LAMC1: variants seen among roughly 807,000 people sequenced by gnomAD.
LAMC1 encodes the protein laminin subunit gamma 1, also known as laminin subunit gamma-1.
A neutral mutation model predicts 173.6 loss-of-function variants in LAMC1; 38 were observed. The observed-to-expected ratio is 0.22, with a 90% CI of 0.17 to 0.29. The LOEUF is 0.29. Ranked by LOEUF, LAMC1 falls within the 10% of genes least tolerant of loss-of-function variation. The pLI, the probability that LAMC1 is intolerant of heterozygous loss-of-function variation, is 1.00. For synonymous variants in LAMC1, 746 were observed against 749.1 expected (o/e 1.00, Z 0.07); for missense variants, 1,824 against 2,051.8 (o/e 0.89, Z 2.14).
At chr1:183,054,795 C>CA (rs963105487) in intron 1 of LAMC1, among the ~76,000 whole-genome samples, 1 of 152,222 alleles carries the variant, frequency 6.6e-6, no homozygotes, top group African/African-American at 2.4e-5. Flanking sequence ...ATTGATTATT[C>CA]ATAGACTTCT....
intron 1 of LAMC1, among the ~76,000 whole-genome samples, chr1:183,077,795 T>TATATATATATATATATAC (rs1458377650): frequency 4.1e-5 from 6 of 147,230 alleles, no homozygotes; most frequent in Admixed American, 2.0e-4. Context: ...TATATATATA[T>TATATATATATATATATAC]ACAGTAGCAC....
At chr1:183,109,755 G>C (rs1656090671) in intron 3 of LAMC1, among the ~76,000 whole-genome samples, 1 of 152,094 alleles carries the variant, frequency 6.6e-6, no homozygotes, top group Non-Finnish European at 1.5e-5. Flanking sequence ...GCAAGTGAGG[G>C]GAACATTACG....
intron 1 of LAMC1, among the ~76,000 whole-genome samples, chr1:183,063,599 C>G (rs925089352): frequency 6.6e-6 from 1 of 152,134 alleles, no homozygotes; most frequent in Non-Finnish European, 1.5e-5. Flanking sequence ...TGCTATTCTC[C>G]TGCTCTCTCC....
At chr1:183,099,643 G>T (rs984846588) in intron 1 of LAMC1, among the ~76,000 whole-genome samples, 2 of 152,020 alleles carry the variant, frequency 1.3e-5, no homozygotes, top group Admixed American at 1.3e-4. Flanking sequence ...CTCTGTGTGT[G>T]CTGTGAATGT....
At chr1:183,029,456 T>C (rs1284733721) in intron 1 of LAMC1, among the ~76,000 whole-genome samples, 2 of 152,244 alleles carry the variant, frequency 1.3e-5, no homozygotes, top group African/African-American at 4.8e-5. Flanking sequence ...CATACAATTT[T>C]GCAGCTAAAA....
In LAMC1 at chr1:183,081,736, TATAATC is replaced by T. The variant is rs1655282779; in HGVS notation, c.419-21590_419-21585del. On this transcript the variant is annotated intron_variant, in intron 1 of 27. Coordinates refer to ENST00000258341, the MANE Select transcript of LAMC1 (RefSeq NM_002293.4). ...TTTCCTATCAGAATGGCATAGTTGTTATAATCAATAAAACATTAACATGTCATAATC... is the reference window on the plus strand; with the variant it reads ...TTTCCTATCAGAATGGCATAGTTGTTAATAAAACATTAACATGTCATAATC... Among the ~76,000 whole-genome samples, 3 of 152,124 alleles carry T rather than the reference TATAATC, an allele frequency of 2.0e-5. No homozygotes were observed. The South Asian group carries it at 6.2e-4, about 32-fold the overall frequency.
chr1:183,124,392 C>T (rs190879980), intron 13 of LAMC1, among the ~76,000 whole-genome samples: 3 of 152,318 alleles, frequency 2.0e-5, no homozygotes, highest in Admixed American at 2.0e-4. Flanking sequence ...ATTGTCACAA[C>T]AATTAAAGTG....
At chr1:183,066,049 CAT>C (rs1480509673) in intron 1 of LAMC1, among the ~76,000 whole-genome samples, 1 of 152,158 alleles carries the variant, frequency 6.6e-6, no homozygotes, top group Non-Finnish European at 1.5e-5. Flanking sequence ...GCATTATTGT[CAT>C]AGTGATTATC....
intron 1 of LAMC1, among the ~76,000 whole-genome samples, chr1:183,052,216 C>T: frequency 6.6e-6 from 1 of 152,116 alleles, no homozygotes; most frequent in East Asian, 1.9e-4. Flanking sequence ...ATCCCTTTTT[C>T]TTTCTGTTCT....
chr1:183,134,087 T>C (rs191845734), intron 22 of LAMC1, among the ~76,000 whole-genome samples: 15 of 152,306 alleles, frequency 9.8e-5, no homozygotes, highest in Admixed American at 4.6e-4. Flanking sequence ...TATTTTGGAA[T>C]TGGTAGGATT....
intron 1 of LAMC1, among the ~76,000 whole-genome samples, chr1:183,042,599 G>T (rs1654164799): frequency 6.6e-6 from 1 of 152,182 alleles, no homozygotes; most frequent in South Asian, 2.1e-4. Context: ...AGTCTTCAGA[G>T]GTTCCCATTC....
chr1:183,053,114 G>A (rs1654479022), intron 1 of LAMC1, among the ~76,000 whole-genome samples: 1 of 152,130 alleles, frequency 6.6e-6, no homozygotes, highest in South Asian at 2.1e-4. Flanking sequence ...GAATTTATGG[G>A]ACAAAAATGC....
chr1:183,054,988 C>CTT (rs34723564), intron 1 of LAMC1, among the ~76,000 whole-genome samples: 1 of 130,790 alleles, frequency 7.6e-6, no homozygotes. Flanking sequence ...CTTTGTGCAT[C>CTT]TTTTTTTTTT....
In LAMC1 at chr1:183,142,846, C is replaced by G; in HGVS notation, c.*56C>G. 4 of 1,531,272 alleles carry G rather than the reference C, an allele frequency of 2.6e-6. No homozygotes were observed. The highest frequency in any genetic ancestry group is 1.8e-6 in the Non-Finnish European group (2 of 1,134,466). 94.9% of individuals were successfully genotyped at this position (1,531,272 alleles called of 1,614,324 possible). On this transcript the variant is annotated 3_prime_UTR_variant, in exon 28 of 28. Coordinates refer to ENST00000258341, the MANE Select transcript of LAMC1 (RefSeq NM_002293.4). Reference sequence around the variant, plus strand: ...TGACAGGGGGGCAGTTGTGAGGCCACAGAGTGCCTTGACACAAAGATTACA... The same window carrying G: ...TGACAGGGGGGCAGTTGTGAGGCCAGAGAGTGCCTTGACACAAAGATTACA...
chr1:183,124,607 A>G (rs1656569613), intron 13 of LAMC1, 24 bp from the exon 14 acceptor site: 2 of 1,613,534 alleles, frequency 1.2e-6, no homozygotes, highest in Non-Finnish European at 1.7e-6. Flanking sequence ...TTTCTTTCAT[A>G]ACATCAGATT....
chr1:183,100,262 A>G (rs1655800650), intron 1 of LAMC1, among the ~76,000 whole-genome samples: 2 of 152,038 alleles, frequency 1.3e-5, no homozygotes, highest in Admixed American at 6.5e-5. Flanking sequence ...TGACCTCCCC[A>G]TCTTCGTTCC....
chr1:183,104,439 CT>C (rs1352204313), intron 2 of LAMC1, among the ~76,000 whole-genome samples: 1 of 152,204 alleles, frequency 6.6e-6, no homozygotes, highest in Admixed American at 6.5e-5. Flanking sequence ...GTACTCAGCA[CT>C]TTAACACAGA....
In LAMC1 at chr1:183,114,732, A is replaced by C; in HGVS notation, c.1210+13A>C. ...TGTAGTCCTGTGGGTAAGTGACAGGAAGATGGATTGAAAGACAAAATGATA... is the reference window on the plus strand; with the variant it reads ...TGTAGTCCTGTGGGTAAGTGACAGGCAGATGGATTGAAAGACAAAATGATA... On this transcript the variant is annotated intron_variant, in intron 5 of 27. Transcript: ENST00000258341. 6.2e-7 allele frequency: 1 copy of C among 1,608,968 alleles called. No homozygotes were observed. Among genetic ancestry groups the C allele is most frequent in the Non-Finnish European group, 8.5e-7 (1 of 1,176,398 alleles).
Position 183,121,709 on chromosome 1 carries a change from C to G in LAMC1, c.1991-14C>G. On this transcript the variant is annotated splice_polypyrimidine_tract_variant and intron_variant, in intron 11 of 27. Transcript: ENST00000258341. ...AAGCCAGTTCAGTGATTTTCTTTTC[C>G]TCACTATACACAGGTGCTGGATATT... 5 of 1,598,532 alleles carry G rather than the reference C, an allele frequency of 3.1e-6. No homozygotes were observed. Among genetic ancestry groups the G allele is most frequent in the Non-Finnish European group, 4.3e-6 (5 of 1,170,176 alleles).
Sources: gnomAD v4.1 joint callset for allele counts (sites outside exome capture counted in the v4.1 genomes callset) on GRCh38, gnomAD v4.1.1 for gene constraint, MANE v1.5 for transcripts, NCBI Gene and HGNC (gene_info 2026-07-23, HGNC 2026-07-21) for gene names.